The following NTRK3 variants were observed in gnomAD, a reference collection of about 807,000 sequenced individuals.
NTRK3 encodes the protein neurotrophic receptor tyrosine kinase 3.
In NTRK3, 24 loss-of-function variants were observed where a neutral mutation model predicts 91.7. That is an observed-to-expected ratio of 0.26 (90% CI 0.19 to 0.37). The LOEUF is 0.37. NTRK3 is among the 10% of genes least tolerant of loss of function. The pLI, the probability that NTRK3 is intolerant of heterozygous loss-of-function variation, is 1.00. For missense variants in NTRK3, 880 were observed against 1,068.9 expected (o/e 0.82, Z 2.46); for synonymous variants, 483 against 404.0 (o/e 1.20, Z -2.34).
In NTRK3 at chr15:87,930,248, G is replaced by A. The variant is rs373471493; in HGVS notation, c.1890-814C>T. ...ACCCATTCCATCCCAAATCAAGCCC[G>A]GATTTGTTATTCTAACACCTTGCCT... is the stretch of plus-strand genomic sequence containing the variant. On this transcript the variant is annotated intron_variant, in intron 16 of 18. Transcript: ENST00000394480. 3.3e-5 allele frequency among the ~76,000 whole-genome samples: 5 copies of A among 152,064 alleles called. No individual in the cohort carries two copies. The East Asian group carries it at 5.8e-4, about 18-fold the overall frequency.
intron 17 of NTRK3, chr15:87,928,944 T>C: frequency 1.6e-6 from 1 of 606,984 alleles, no homozygotes; most frequent in Non-Finnish European, 2.9e-6. Flanking sequence ...AATGCATATG[T>C]TATTGCAATG....
At chr15:88,074,538 C>A (rs1597147361) in intron 13 of NTRK3, among the ~76,000 whole-genome samples, 1 of 152,298 alleles carries the variant, frequency 6.6e-6, no homozygotes, top group South Asian at 2.1e-4. Flanking sequence ...GACTCAAGCT[C>A]CGAGAGAAGT....
chr15:88,133,175 A>G (rs188886873), intron 10 of NTRK3, among the ~76,000 whole-genome samples: 5 of 152,260 alleles, frequency 3.3e-5, no homozygotes, highest in African/African-American at 9.6e-5. Context: ...CACTGGCCTG[A>G]GGAGCACTGA....
intron 17 of NTRK3, among the ~76,000 whole-genome samples, chr15:87,911,563 C>T (rs1418840727): frequency 5.9e-5 from 9 of 152,176 alleles, no homozygotes; most frequent in Non-Finnish European, 1.0e-4. Flanking sequence ...GCTTCACCAC[C>T]CTCAGGTGTC....
At chr15:87,985,073 G>T (rs780630002) in intron 14 of NTRK3, among the ~76,000 whole-genome samples, 1 of 152,108 alleles carries the variant, frequency 6.6e-6, no homozygotes, top group Non-Finnish European at 1.5e-5. Context: ...GCTCCCTCTG[G>T]TCATGGCTAA....
At chr15:88,053,610 G>T (rs1164533562) in intron 13 of NTRK3, among the ~76,000 whole-genome samples, 1 of 152,196 alleles carries the variant, frequency 6.6e-6, no homozygotes, top group East Asian at 1.9e-4. Flanking sequence ...CCTCAGCTGG[G>T]CAAGTTATTT....
intron 17 of NTRK3, among the ~76,000 whole-genome samples, chr15:87,882,875 G>T (rs76334436): frequency 9.2e-5 from 14 of 151,964 alleles, no homozygotes; most frequent in Non-Finnish European, 1.6e-4. Context: ...TGACTAAAAA[G>T]CACAAAATGA....
intron 17 of NTRK3, among the ~76,000 whole-genome samples, chr15:87,913,790 A>G (rs1567100551): frequency 1.3e-5 from 2 of 152,252 alleles, no homozygotes; most frequent in Non-Finnish European, 2.9e-5. Flanking sequence ...CAGAAAATGA[A>G]TGAAAACATG....
chr15:88,074,660 C>T (rs1397307902), intron 13 of NTRK3, among the ~76,000 whole-genome samples: 7 of 152,132 alleles, frequency 4.6e-5, no homozygotes, highest in Non-Finnish European at 8.8e-5. Flanking sequence ...CATCAATAGC[C>T]GTATATGATG....
At chr15:88,061,642 C>G (rs2046226977) in intron 13 of NTRK3, among the ~76,000 whole-genome samples, 1 of 152,256 alleles carries the variant, frequency 6.6e-6, no homozygotes, top group African/African-American at 2.4e-5. Context: ...CCAGTCCTTC[C>G]CACTTCCTGC....
At chr15:88,094,296 C>G (rs546482098) in intron 13 of NTRK3, among the ~76,000 whole-genome samples, 44 of 151,542 alleles carry the variant, frequency 2.9e-4, no homozygotes, top group African/African-American at 9.7e-4. Context: ...GAAACCCCAT[C>G]TCTACTAAAA....
intron 14 of NTRK3, among the ~76,000 whole-genome samples, chr15:88,012,435 C>T (rs1456428568): frequency 6.6e-6 from 1 of 152,174 alleles, no homozygotes; most frequent in African/African-American, 2.4e-5. Context: ...ACACTCTGAC[C>T]CCGAGCTTTG....
intron 14 of NTRK3, among the ~76,000 whole-genome samples, chr15:88,007,976 G>T (rs1279448255): frequency 6.6e-6 from 1 of 152,158 alleles, no homozygotes; most frequent in African/African-American, 2.4e-5. Flanking sequence ...GATTTGCCAA[G>T]GAATTATCTA....
intron 13 of NTRK3, among the ~76,000 whole-genome samples, chr15:88,097,959 G>A (rs989336612): frequency 1.3e-5 from 2 of 152,172 alleles, no homozygotes; most frequent in South Asian, 2.1e-4. Flanking sequence ...CCAAGAAAAC[G>A]ACTATCTTCT....
chr15:88,111,210 T>A (rs1037594662), intron 13 of NTRK3, among the ~76,000 whole-genome samples: 5 of 152,196 alleles, frequency 3.3e-5, no homozygotes, highest in Non-Finnish European at 7.3e-5. Flanking sequence ...GCTGCCTCCT[T>A]GAACCTGGAT....
chr15:88,162,129 T>C (rs905364457), intron 5 of NTRK3, among the ~76,000 whole-genome samples: 13 of 152,210 alleles, frequency 8.5e-5, no homozygotes, highest in African/African-American at 2.7e-4. Flanking sequence ...CTCTCCCAGA[T>C]ACTCTGAAGC....
intron 14 of NTRK3, among the ~76,000 whole-genome samples, chr15:87,993,941 T>C (rs1183659799): frequency 1.3e-5 from 2 of 152,066 alleles, no homozygotes; most frequent in African/African-American, 4.8e-5. Context: ...ATTTTGCAAA[T>C]ACCTAAATAT....
At chr15:88,214,691 AC>A (rs59382574) in intron 3 of NTRK3, among the ~76,000 whole-genome samples, 126,939 of 148,678 alleles carry the variant, frequency 0.85, 54,486 homozygotes, top group East Asian at 0.98. Flanking sequence ...GAGAATAAGG[AC>A]AAAAAAAATG....
At chr15:88,152,683 C>G (rs2043497790) in intron 5 of NTRK3, among the ~76,000 whole-genome samples, 1 of 152,244 alleles carries the variant, frequency 6.6e-6, no homozygotes, top group African/African-American at 2.4e-5. Context: ...CTCGGCCCCT[C>G]ATTTGCCCTG....
Sources: allele counts gnomAD v4.1 joint callset (sites outside exome capture counted in the v4.1 genomes callset), GRCh38; gene constraint gnomAD v4.1.1; transcripts MANE v1.5; gene names NCBI Gene and HGNC (gene_info 2026-07-23, HGNC 2026-07-21).